The following MGA variants were observed in gnomAD, a reference collection of about 807,000 sequenced individuals.
The protein encoded by MGA is MAX gene-associated protein.
A neutral mutation model predicts 261.1 loss-of-function variants in MGA; 40 were observed. The observed-to-expected ratio is 0.15, with a 90% confidence interval of 0.12 to 0.20. MGA has a LOEUF of 0.20. MGA is among the 10% of genes least tolerant of loss of function. The pLI, the probability that MGA is intolerant of heterozygous loss-of-function variation, is 1.00. For missense variants in MGA, 3,397 were observed against 3,630.5 expected (o/e 0.94, Z 1.65); for synonymous variants, 1,302 against 1,290.6 (o/e 1.01, Z -0.19).
intron 2 of MGA, among the ~76,000 whole-genome samples, chr15:41,685,801 G>A (rs1389676220): frequency 6.6e-6 from 1 of 151,736 alleles, no homozygotes; most frequent in Admixed American, 6.6e-5. Context: ...AGGAGATGGA[G>A]ACCATCCTGG....
At chr15:41,699,892 T>G (rs1284957327) in intron 5 of MGA, among the ~76,000 whole-genome samples, 4 of 152,158 alleles carry the variant, frequency 2.6e-5, no homozygotes, top group Non-Finnish European at 5.9e-5. Flanking sequence ...ATATATTTGA[T>G]GTACCACTGG....
intron 2 of MGA, among the ~76,000 whole-genome samples, chr15:41,685,035 T>C (rs1309888142): frequency 6.6e-6 from 1 of 152,194 alleles, no homozygotes; most frequent in African/African-American, 2.4e-5. Context: ...AAAAAATTGA[T>C]AAAGAGAGAG....
Position 41,720,259 on chromosome 15 carries a change from G to T in MGA, c.3430+6763G>T, listed in dbSNP as rs540475328. On this transcript the variant is annotated intron_variant, in intron 9 of 23. Coordinates refer to ENST00000219905, the MANE Select transcript of MGA (RefSeq NM_001164273.2). The stretch of plus-strand genomic sequence containing the variant: ...ACAGAATAGAGAGGCTACAGGCTGG[G>T]TGCTGTGGCTCATGCCTTGTCATCC... 4.6e-5 allele frequency among the ~76,000 whole-genome samples: 7 copies of T among 152,272 alleles called. 1 individual carries two copies. In the South Asian group the frequency reaches 1.5e-3, roughly 32 times the overall value.
intron 1 of MGA, among the ~76,000 whole-genome samples, chr15:41,665,561 TCTCA>T (rs1245868970): frequency 2.0e-5 from 3 of 151,914 alleles, no homozygotes; most frequent in African/African-American, 7.3e-5. Context: ...AGAGATGGAG[TCTCA>T]CTGTGTTTTC....
intron 2 of MGA, among the ~76,000 whole-genome samples, chr15:41,674,029 T>C (rs2058236750): frequency 6.6e-6 from 1 of 151,744 alleles, no homozygotes; most frequent in African/African-American, 2.4e-5. Context: ...GTAGCTGGGA[T>C]TACAGGCACA....
chr15:41,661,072 A>C (rs1263121383), intron 1 of MGA, among the ~76,000 whole-genome samples: 2 of 152,128 alleles, frequency 1.3e-5, no homozygotes, highest in African/African-American at 4.8e-5. Flanking sequence ...TTTCCGGCCA[A>C]ATTGTTTGAG....
At chr15:41,764,712 T>A (rs2063705663) in intron 22 of MGA, among the ~76,000 whole-genome samples, 174 bp from the exon 23 acceptor site, 2 of 151,724 alleles carry the variant, frequency 1.3e-5, no homozygotes, top group Admixed American at 1.3e-4. Flanking sequence ...TTAAAAAAAT[T>A]TTTCTTGTAG....
intron 13 of MGA, among the ~76,000 whole-genome samples, chr15:41,738,330 G>A (rs772809230): frequency 7.9e-5 from 12 of 152,196 alleles, no homozygotes; most frequent in Non-Finnish European, 1.5e-4. Context: ...GGGAGGCAGA[G>A]GTTGCAGTGA....
chr15:41,744,648 T>C (rs774373704), intron 15 of MGA, among the ~76,000 whole-genome samples: 6 of 152,240 alleles, frequency 3.9e-5, no homozygotes, highest in Non-Finnish European at 5.9e-5. Flanking sequence ...ATCTGTTATA[T>C]TTTAACAGAT....
In MGA at chr15:41,749,978, A is replaced by G; in HGVS notation, c.6371A>G (p.Glu2124Gly). The G allele has an allele frequency of 6.2e-7, 1 of 1,612,390 alleles. No individual in the cohort carries two copies. Among genetic ancestry groups the G allele is most frequent in the Non-Finnish European group, 8.5e-7 (1 of 1,179,466 alleles). ...CAGCAGAAAGGATTTGACAATCCAG[A>G]AGAAAACTCAAGTGAATTTCCAGTC... is the stretch of plus-strand genomic sequence containing the variant. The change falls in exon 17 of 24, where the codon GAA becomes GGA. Residue 2124 changes from glutamate to glycine, a missense_variant. This residue lies in a region of MGA where 1,410 missense variants were observed against 1,386.4 expected (regional missense o/e 1.02). Coordinates refer to ENST00000219905, the MANE Select transcript of MGA (RefSeq NM_001164273.2).
In MGA at chr15:41,762,208, AAAG is replaced by A. The variant is rs760549227; in HGVS notation, c.7595_7597del (p.Lys2532del). 1.8e-5 allele frequency: 29 copies of A among 1,613,862 alleles called. No homozygotes were observed. Among genetic ancestry groups the A allele is most frequent in the South Asian group, 1.1e-5 (1 of 91,090 alleles). On this transcript the variant is annotated inframe_deletion, in exon 22 of 24. Coordinates refer to ENST00000219905, the MANE Select transcript of MGA (RefSeq NM_001164273.2). ...AAGCACTAGAGGCACAAAAAAGAAA[AAAG>A]AAGATGGGATCAGATGAGTTTGACA...
intron 9 of MGA, among the ~76,000 whole-genome samples, chr15:41,720,922 T>A (rs915227125): frequency 1.3e-5 from 2 of 152,170 alleles, no homozygotes; most frequent in African/African-American, 4.8e-5. Flanking sequence ...AAGAATGATC[T>A]TTTCACCAAA....
intron 15 of MGA, among the ~76,000 whole-genome samples, chr15:41,748,384 C>G (rs965197373): frequency 5.3e-5 from 8 of 152,202 alleles, no homozygotes; most frequent in African/African-American, 1.7e-4. Flanking sequence ...GAAACCCTGT[C>G]TCTACCCAAA....
At chr15:41,740,010 C>T in intron 13 of MGA, 3 of 1,613,886 alleles carry the variant, frequency 1.9e-6, no homozygotes, top group East Asian at 2.2e-5. Context: ...GGTTGCGACC[C>T]TCAGTCCTGG....
chr15:41,712,365 C>T (rs577389138), intron 8 of MGA, among the ~76,000 whole-genome samples: 1 of 152,164 alleles, frequency 6.6e-6, no homozygotes, highest in South Asian at 2.1e-4. Flanking sequence ...GTGTGCACTA[C>T]CACGCCTGGC....
intron 1 of MGA, among the ~76,000 whole-genome samples, chr15:41,623,765 A>G (rs1286517306): frequency 1.2e-5 from 1 of 80,032 alleles, no homozygotes; most frequent in Non-Finnish European, 2.9e-5. Flanking sequence ...TTATTTATAT[A>G]TATATATATA....
intron 9 of MGA, among the ~76,000 whole-genome samples, chr15:41,715,625 T>A (rs1239832219): frequency 2.6e-5 from 4 of 152,172 alleles, no homozygotes; most frequent in African/African-American, 9.7e-5. Flanking sequence ...AGAAATATAC[T>A]TTTCCTACTG....
chr15:41,658,291 T>C (rs765373909), upstream of MGA, among the ~76,000 whole-genome samples: 2 of 152,226 alleles, frequency 1.3e-5, no homozygotes, highest in Non-Finnish European at 2.9e-5. Context: ...AGCATCACTT[T>C]AGCAGTTAGC....
At chr15:41,675,838 A>G (rs1377326674) in intron 2 of MGA, among the ~76,000 whole-genome samples, 3 of 152,168 alleles carry the variant, frequency 2.0e-5, no homozygotes, top group Non-Finnish European at 4.4e-5. Flanking sequence ...CGTGACCTTC[A>G]AACATTTGGG....
Sources: allele counts gnomAD v4.1 joint callset (sites outside exome capture counted in the v4.1 genomes callset), GRCh38; gene constraint gnomAD v4.1.1; regional missense constraint gnomAD v4.1.1; transcripts MANE v1.5; gene names NCBI Gene and HGNC (gene_info 2026-07-23, HGNC 2026-07-21).